Variants in C10orf88 observed in about 807,000 individuals in gnomAD.
C10orf88 encodes the protein ATPase PAAT.
A neutral mutation model predicts 34.2 loss-of-function variants in C10orf88; 29 were observed. The observed-to-expected ratio is 0.85, with a 90% CI of 0.63 to 1.16. The LOEUF (loss-of-function observed/expected upper bound fraction) is 1.16. Among genes scored for constraint, C10orf88 ranks in the 50% most tolerant of loss-of-function variants. C10orf88 has a pLI of 0.00. For synonymous variants in C10orf88, 194 were observed against 197.4 expected (o/e 0.98, Z 0.15); for missense variants, 507 against 533.2 (o/e 0.95, Z 0.48).
intron 5 of C10orf88, among the ~76,000 whole-genome samples, chr10:122,933,870 T>C (rs1251488470): frequency 6.6e-6 from 1 of 152,192 alleles, no homozygotes; most frequent in Non-Finnish European, 1.5e-5. Flanking sequence ...CTATTCTCAA[T>C]AAAATTTTAA....
At chr10:122,932,724 A>C in intron 5 of C10orf88, 63 bp from the exon 6 acceptor site, 2 of 1,148,368 alleles carry the variant, frequency 1.7e-6, no homozygotes, top group East Asian at 5.1e-5. Flanking sequence ...CAAGCTTATA[A>C]AACAAGCAGC....
Position 122,937,846 on chromosome 10 carries a change from C to T in C10orf88, c.962G>A (p.Ser321Asn). Residue 321 changes from serine (S) to asparagine (N), a missense_variant, in exon 5 of 6, where the codon AGT becomes AAT. Ser to Asn is a conservative substitution (Grantham distance 46). Transcript: ENST00000481909. ...GGAGTTGGGTATATTTGAGTTGTCACTTACTTTCTTTGGTAAGAAAGAGGC... is the reference window on the plus strand; with the variant it reads ...GGAGTTGGGTATATTTGAGTTGTCATTTACTTTCTTTGGTAAGAAAGAGGC... ...AMASFLPKKVSDNSNIPNSEL... is the reference protein window; with the variant it reads ...AMASFLPKKVNDNSNIPNSEL... 1 of 1,613,312 alleles carries T rather than the reference C, an allele frequency of 6.2e-7. No individual in the cohort carries two copies. The highest frequency in any genetic ancestry group is 1.7e-5 in the Admixed American group (1 of 59,922).
intron 4 of C10orf88, among the ~76,000 whole-genome samples, chr10:122,944,374 GT>G (rs1848616183): frequency 8.6e-6 from 1 of 116,384 alleles, no homozygotes; most frequent in East Asian, 2.9e-4. Flanking sequence ...GGGGACTGTT[GT>G]GGGGTGGGGG....
In C10orf88 at chr10:122,952,840, G is replaced by T. The variant is rs764403732; in HGVS notation, c.357C>A (p.Val119=). ...GTSRGKNVCT[V]LDDSEHEKII... ...TACAAGTCACACACCTGTCATCCAG[G>T]ACAGTACAAACATTCTTGCCCCTAC... The change falls in exon 2 of 6, where the codon GTC becomes GTA. Residue 119 remains valine (V), a synonymous_variant. Coordinates refer to ENST00000481909, the MANE Select transcript of C10orf88 (RefSeq NM_024942.4). 6.2e-6 allele frequency: 10 copies of T among 1,613,826 alleles called. No homozygotes were observed. The highest frequency in any genetic ancestry group is 8.5e-6 in the Non-Finnish European group (10 of 1,179,944).
At chr10:122,938,964 A>G (rs1021574358) in intron 4 of C10orf88, among the ~76,000 whole-genome samples, 1 of 152,056 alleles carries the variant, frequency 6.6e-6, no homozygotes, top group Non-Finnish European at 1.5e-5. Context: ...AAAACATAAA[A>G]GTCTACTATA....
At chr10:122,952,507 A>G (rs753410438) in intron 2 of C10orf88, among the ~76,000 whole-genome samples, 4 of 152,258 alleles carry the variant, frequency 2.6e-5, no homozygotes, top group Non-Finnish European at 5.9e-5. Flanking sequence ...CTTTCGGAAG[A>G]CAGACTGCTG....
At chr10:122,933,024 C>CTA (rs777069118) in intron 5 of C10orf88, among the ~76,000 whole-genome samples, 128 of 152,276 alleles carry the variant, frequency 8.4e-4, no homozygotes, top group Non-Finnish European at 1.4e-3. Context: ...CCAACCAACT[C>CTA]TATAAAGTTT....
In C10orf88 at chr10:122,953,233, G is replaced by A. The variant is rs904644930; in HGVS notation, c.165-201C>T. 3.9e-5 allele frequency among the ~76,000 whole-genome samples: 6 copies of A among 152,076 alleles called. 1 individual carries two copies. Among genetic ancestry groups the A allele is most frequent in the Admixed American group, 2.6e-4 (4 of 15,266 alleles). Reference sequence around the variant, plus strand: ...GCTGGGACTACAGGCACCCGCCACCGCGCCCGGCTAATTTTTTGTATTTTT... The same window carrying A: ...GCTGGGACTACAGGCACCCGCCACCACGCCCGGCTAATTTTTTGTATTTTT... On this transcript the variant is annotated intron_variant, in intron 1 of 5. Transcript: ENST00000481909.
In C10orf88 at chr10:122,937,812, C is replaced by G. The variant is rs761015593; in HGVS notation, c.996G>C (p.Leu332=). 6.2e-7 allele frequency: 1 copy of G among 1,613,164 alleles called. No homozygotes were observed. The highest frequency in any genetic ancestry group is 1.1e-5 in the South Asian group (1 of 91,050). The change falls in exon 5 of 6, where the codon CTG becomes CTC. Residue 332 remains leucine (L), a synonymous_variant. Coordinates refer to ENST00000481909, the MANE Select transcript of C10orf88 (RefSeq NM_024942.4). ...DNSNIPNSEL[L]PFLQNLCSQV... ...GACTACATAAATTCTGGAGAAAAGG[C>G]AGCAACTCGGAGTTGGGTATATTTG...
In C10orf88 at chr10:122,952,881, C is replaced by G; in HGVS notation, c.316G>C (p.Glu106Gln). 6.2e-7 allele frequency: 1 copy of G among 1,614,110 alleles called. No individual in the cohort carries two copies. ...ARNMEVYLGE[E>Q]YCGTSRGKNV... Reference sequence around the variant, plus strand: ...TTGCCCCTACTGGTTCCACAGTACTCCTCTCCTAAGTACACTTCCATATTT... The same window carrying G: ...TTGCCCCTACTGGTTCCACAGTACTGCTCTCCTAAGTACACTTCCATATTT... The change falls in exon 2 of 6, where the codon GAG becomes CAG. Residue 106 changes from glutamate (E) to glutamine (Q), a missense_variant. Coordinates refer to ENST00000481909, the MANE Select transcript of C10orf88 (RefSeq NM_024942.4).
At chr10:122,942,007 A>C (rs1240900258) in intron 4 of C10orf88, among the ~76,000 whole-genome samples, 1 of 152,080 alleles carries the variant, frequency 6.6e-6, no homozygotes, top group South Asian at 2.1e-4. Context: ...TTTACCTAAC[A>C]CTTCTGTATT....
At chr10:122,939,437 G>C (rs527973284) in intron 4 of C10orf88, among the ~76,000 whole-genome samples, 8 of 151,986 alleles carry the variant, frequency 5.3e-5, no homozygotes, top group African/African-American at 1.9e-4. Flanking sequence ...AATAAAGTGA[G>C]AAAGGAGAAT....
At chr10:122,950,173 A>C (rs1848678071) in intron 3 of C10orf88, among the ~76,000 whole-genome samples, 1 of 152,218 alleles carries the variant, frequency 6.6e-6, no homozygotes, top group South Asian at 2.1e-4. Flanking sequence ...ACCCTGGGCA[A>C]ATGCTAAATC....
chr10:122,942,444 T>C (rs1848593944), intron 4 of C10orf88, among the ~76,000 whole-genome samples: 1 of 152,172 alleles, frequency 6.6e-6, no homozygotes, highest in African/African-American at 2.4e-5. Flanking sequence ...ACTGGAAGCA[T>C]TCCCTTTGAA....
rs114579583 is a variant in C10orf88, at chr10:122,946,237, C to G, written c.648+2412G>C. On this transcript the variant is annotated intron_variant, in intron 4 of 5. Coordinates refer to ENST00000481909, the MANE Select transcript of C10orf88 (RefSeq NM_024942.4). The stretch of plus-strand genomic sequence containing the variant: ...AGTGTACAGTAATGTTCTAGGCCTT[C>G]ATATTCAGTTACTGACTTACCTAGA... Among the ~76,000 whole-genome samples, 740 of 152,290 alleles carry G rather than the reference C, an allele frequency of 4.9e-3. 6 individuals are homozygous for G. Among genetic ancestry groups the G allele is most frequent in the African/African-American group, 0.017 (717 of 41,546 alleles).
At chr10:122,947,912 A>G (rs983380720) in intron 4 of C10orf88, among the ~76,000 whole-genome samples, 1 of 152,092 alleles carries the variant, frequency 6.6e-6, no homozygotes. Flanking sequence ...ACTACGTCCA[A>G]TCTTAGACCT....
At chr10:122,953,679 T>C (rs1371416533) in intron 1 of C10orf88, among the ~76,000 whole-genome samples, 2 of 152,238 alleles carry the variant, frequency 1.3e-5, no homozygotes, top group African/African-American at 4.8e-5. Context: ...ACAGCCTGTT[T>C]TGGTGGACAG....
intron 4 of C10orf88, among the ~76,000 whole-genome samples, chr10:122,943,734 C>A (rs2133332921): frequency 6.6e-6 from 1 of 152,106 alleles, no homozygotes; most frequent in Admixed American, 6.5e-5. Context: ...AGACACTTCT[C>A]AAAAGAAGAC....
At chr10:122,952,116 T>A (rs9804347) in intron 2 of C10orf88, 90 bp from the exon 3 acceptor site, 338,511 of 712,582 alleles carry the variant, frequency 0.48, 81,845 homozygotes, top group East Asian at 0.53. Context: ...CAGAACAATA[T>A]TGAAATCCTA....
Sources: allele counts gnomAD v4.1 joint callset (sites outside exome capture counted in the v4.1 genomes callset), GRCh38; gene constraint gnomAD v4.1.1; transcripts MANE v1.5; gene names NCBI Gene and HGNC (gene_info 2026-07-23, HGNC 2026-07-21).